The following PHLDB2 variants were observed in gnomAD, a reference collection of about 807,000 sequenced individuals.
PHLDB2 encodes pleckstrin homology like domain family B member 2, also known as pleckstrin homology-like domain family B member 2.
In PHLDB2, 71 loss-of-function variants were observed where a neutral mutation model predicts 123.6. The observed-to-expected ratio is 0.57, with a 90% CI of 0.47 to 0.70. PHLDB2 has a LOEUF of 0.70. Among genes scored for constraint, PHLDB2 ranks in the 30% least tolerant of loss-of-function variants. The pLI is 0.00. For synonymous variants in PHLDB2, 547 were observed against 541.6 expected, an observed-to-expected ratio of 1.01 and a Z score of -0.14; for missense variants, 1,446 against 1,519.5, an observed-to-expected ratio of 0.95 and a Z score of 0.80.
rs1183948095 is a variant in PHLDB2, at chr3:111,975,373, T to C, written c.*810T>C. 6.6e-6 allele frequency: 1 copy of C among 152,200 alleles called. No homozygotes were observed. The allele number at this position is 152,200 out of a possible 1,614,324, so 9.4% of individuals were successfully genotyped here. The stretch of plus-strand genomic sequence containing the variant: ...GTTGAACAATTTTAAATAAAGAGAA[T>C]ATCTGGTGTTAGGAGCTTGTTTTGC... On this transcript the variant is annotated 3_prime_UTR_variant, in exon 18 of 18. Transcript: ENST00000431670.
At chr3:111,951,618 A>T (rs924474125) in intron 10 of PHLDB2, among the ~76,000 whole-genome samples, 9 of 152,140 alleles carry the variant, frequency 5.9e-5, no homozygotes, top group African/African-American at 1.9e-4. Flanking sequence ...TTATTTCTTT[A>T]AAAAAATAAA....
chr3:111,735,001 T>C (rs1312838942), intron 1 of PHLDB2, among the ~76,000 whole-genome samples: 1 of 152,234 alleles, frequency 6.6e-6, no homozygotes. Context: ...GTCTTCTCTG[T>C]CCTGTATATT....
chr3:111,736,705 T>C (rs1289268597), intron 1 of PHLDB2, among the ~76,000 whole-genome samples: 1 of 152,230 alleles, frequency 6.6e-6, no homozygotes, highest in Non-Finnish European at 1.5e-5. Flanking sequence ...AAATATTGAT[T>C]GCTTTGCTTT....
At chr3:111,898,050 C>G (rs1484096363) in intron 2 of PHLDB2, among the ~76,000 whole-genome samples, 1 of 151,950 alleles carries the variant, frequency 6.6e-6, no homozygotes, top group African/African-American at 2.4e-5. Context: ...ATTATATGAG[C>G]CTTCAGTGAG....
intron 1 of PHLDB2, among the ~76,000 whole-genome samples, chr3:111,844,136 T>C (rs2063825570): frequency 6.6e-6 from 1 of 152,122 alleles, no homozygotes; most frequent in African/African-American, 2.4e-5. Context: ...CTCTCTCTAT[T>C]CTCCCAGGAC....
At chr3:111,900,117 A>G (rs1183315445) in intron 2 of PHLDB2, among the ~76,000 whole-genome samples, 1 of 152,210 alleles carries the variant, frequency 6.6e-6, no homozygotes, top group Non-Finnish European at 1.5e-5. Context: ...ATAGAACTGA[A>G]GAGAGTTAGG....
At chr3:111,823,492 G>C (rs2062503536) in intron 1 of PHLDB2, among the ~76,000 whole-genome samples, 1 of 152,112 alleles carries the variant, frequency 6.6e-6, no homozygotes, top group Non-Finnish European at 1.5e-5. Flanking sequence ...CCTAATCACT[G>C]ATCTCAAGAG....
intron 12 of PHLDB2, 149 bp from the exon 13 acceptor site, chr3:111,961,959 T>TA (rs2071435862): frequency 5.5e-6 from 4 of 724,742 alleles, no homozygotes; most frequent in Non-Finnish European, 9.1e-6. Flanking sequence ...CGGTGCTCTT[T>TA]CTTTGATCTT....
intron 2 of PHLDB2, among the ~76,000 whole-genome samples, chr3:111,850,678 G>T (rs1305611111): frequency 6.6e-6 from 1 of 151,988 alleles, no homozygotes; most frequent in Non-Finnish European, 1.5e-5. Context: ...GCACGAGGAT[G>T]GCTTGAGTCC....
At chr3:111,968,497 A>G (rs754744709) in intron 15 of PHLDB2, among the ~76,000 whole-genome samples, 12 of 152,226 alleles carry the variant, frequency 7.9e-5, no homozygotes, top group Non-Finnish European at 1.6e-4. Context: ...TGCTTACATA[A>G]TATGTTTTCT....
At chr3:111,966,548 GTA>G (rs58758341) in intron 13 of PHLDB2, 63 bp from the exon 14 acceptor site, 8,817 of 869,318 alleles carry the variant, frequency 0.01, 48 homozygotes, top group African/African-American at 0.029. Context: ...GTGTGTGTGT[GTA>G]TGTATTAGAG....
chr3:111,810,182 G>C (rs2061766509), intron 1 of PHLDB2, among the ~76,000 whole-genome samples: 2 of 152,068 alleles, frequency 1.3e-5, no homozygotes, highest in Non-Finnish European at 2.9e-5. Context: ...CACACACAGA[G>C]GCCATACACA....
intron 1 of PHLDB2, among the ~76,000 whole-genome samples, chr3:111,791,645 CAT>C (rs1317830326): frequency 6.6e-6 from 1 of 152,090 alleles, no homozygotes; most frequent in African/African-American, 2.4e-5. Flanking sequence ...TTTATAGCCA[CAT>C]GTTAAATATA....
At chr3:111,860,587 G>A (rs1457196889) in intron 1 of PHLDB2, among the ~76,000 whole-genome samples, 1 of 152,222 alleles carries the variant, frequency 6.6e-6, no homozygotes, top group Admixed American at 6.5e-5. Context: ...CTGACAGGCT[G>A]TCCCTCCCAG....
chr3:111,830,945 AAGAAAGAAAG>A (rs1371202133), intron 1 of PHLDB2, among the ~76,000 whole-genome samples: 1 of 109,304 alleles, frequency 9.1e-6, no homozygotes, highest in African/African-American at 4.0e-5. Flanking sequence ...AAAAGAAGGA[AAGAAAGAAAG>A]AGAAAGAAAG....
intron 2 of PHLDB2, among the ~76,000 whole-genome samples, chr3:111,906,702 T>C (rs905230348): frequency 5.9e-5 from 9 of 152,194 alleles, no homozygotes; most frequent in African/African-American, 2.2e-4. Context: ...TTTGGGAGAA[T>C]AGGCATTAGC....
chr3:111,920,646 C>T (rs187651263), intron 5 of PHLDB2, among the ~76,000 whole-genome samples: 7 of 152,186 alleles, frequency 4.6e-5, no homozygotes, highest in African/African-American at 7.2e-5. Context: ...ATTTGTGAGC[C>T]GATATTCCTG....
Position 111,884,832 on chromosome 3 carries a change from A to C in PHLDB2, c.755A>C (p.Tyr252Ser). 6.2e-7 allele frequency: 1 copy of C among 1,614,150 alleles called. No individual in the cohort carries two copies. Among genetic ancestry groups the C allele is most frequent in the Non-Finnish European group, 8.5e-7 (1 of 1,180,006 alleles). Residue 252 changes from tyrosine to serine, a missense_variant, in exon 2 of 18, where the codon TAC becomes TCC. Physicochemically the swap from Tyr to Ser is moderately radical, Grantham distance 144. Transcript: ENST00000431670. ...SSSSLSHMGAYSRSLPRLYRA... is the reference protein window; with the variant it reads ...SSSSLSHMGASSRSLPRLYRA... ...AGCAGCCTGAGTCACATGGGAGCCT[A>C]CAGCCGATCACTTCCCAGGTTGTAC...
chr3:111,749,032 A>AC (rs2059727134), intron 1 of PHLDB2, among the ~76,000 whole-genome samples: 2 of 151,920 alleles, frequency 1.3e-5, no homozygotes, highest in Admixed American at 6.6e-5. Context: ...TTCTACTGGG[A>AC]CATAAGTTTC....
Sources: gnomAD v4.1 joint callset for allele counts (sites outside exome capture counted in the v4.1 genomes callset) on GRCh38, gnomAD v4.1.1 for gene constraint, MANE v1.5 for transcripts, NCBI Gene and HGNC (gene_info 2026-07-23, HGNC 2026-07-21) for gene names.